ZNF608: variants seen among roughly 807,000 people sequenced by gnomAD.
ZNF608 encodes zinc finger protein 608, also known as renal carcinoma antigen NY-REN-36.
ZNF608 carries 12 observed loss-of-function variants against 109.0 expected under a neutral mutation model. The ratio of observed to expected loss-of-function variants is 0.11; its 90% confidence interval spans 0.07 to 0.18. The LOEUF (loss-of-function observed/expected upper bound fraction) is 0.18. Ranked by LOEUF, ZNF608 falls within the 10% of genes least tolerant of loss-of-function variation. ZNF608 has a pLI of 1.00. For missense variants in ZNF608, 1,707 were observed against 1,879.3 expected, an observed-to-expected ratio of 0.91 and a Z score of 1.70; for synonymous variants, 732 against 717.4, an observed-to-expected ratio of 1.02 and a Z score of -0.33.
intron 2 of ZNF608, among the ~76,000 whole-genome samples, chr5:124,721,935 C>T (rs1753924365): frequency 2.3e-5 from 1 of 43,360 alleles, no homozygotes. Context: ...GAATGAGACT[C>T]TGTCTCAAAA....
At position 124,740,630 on chromosome 5, in the gene ZNF608, A is replaced by G. The variant is rs370213380; in HGVS notation, c.906+3454T>C. On this transcript the variant is annotated intron_variant, in intron 2 of 9. Transcript: ENST00000513986. ...TGGTGAAGTATAAAAAGGACTCTAC[A>G]AAAGAATAAAATAAAATGAATGATA... Among the ~76,000 whole-genome samples the G allele has an allele frequency of 3.3e-5, 5 of 152,190 alleles. No homozygotes were observed. The East Asian group carries it at 5.8e-4, about 18-fold the overall frequency.
intron 1 of ZNF608, 33 bp from the exon 2 acceptor site, chr5:124,745,205 TTGTCTGGG>T: frequency 7.1e-7 from 1 of 1,398,706 alleles, no homozygotes; most frequent in East Asian, 2.6e-5. Flanking sequence ...CGAATATTTC[TTGTCTGGG>T]TGTTACCAGA....
chr5:124,743,095 A>G (rs552573778), intron 2 of ZNF608, among the ~76,000 whole-genome samples: 1 of 152,208 alleles, frequency 6.6e-6, no homozygotes, highest in Non-Finnish European at 1.5e-5. Context: ...ACTAAGCAGC[A>G]AAACATGGTG....
At chr5:124,664,939 G>A (rs1256694124) in intron 3 of ZNF608, among the ~76,000 whole-genome samples, 1 of 152,136 alleles carries the variant, frequency 6.6e-6, no homozygotes, top group Non-Finnish European at 1.5e-5. Flanking sequence ...ACTTTGGGAG[G>A]CTGAGGTGGA....
chr5:124,641,517 T>C, intron 7 of ZNF608, 112 bp from the exon 8 acceptor site: 4 of 1,174,820 alleles, frequency 3.4e-6, no homozygotes, highest in Admixed American at 3.3e-5. Context: ...AAAAAGTAAA[T>C]ATAAAGATAC....
At chr5:124,702,004 C>CCT (rs556267555) in intron 2 of ZNF608, among the ~76,000 whole-genome samples, 1 of 152,198 alleles carries the variant, frequency 6.6e-6, no homozygotes, top group South Asian at 2.1e-4. Flanking sequence ...TCAGTCACCA[C>CCT]CTCTCTAAAT....
chr5:124,697,900 A>G (rs1752913603), intron 3 of ZNF608, among the ~76,000 whole-genome samples: 1 of 152,202 alleles, frequency 6.6e-6, no homozygotes, highest in South Asian at 2.1e-4. Context: ...ACACACATAT[A>G]TGACCTTCAC....
Position 124,648,539 on chromosome 5 carries a change from A to C in ZNF608, c.1845T>G (p.Ser615Arg), listed in dbSNP as rs773865768. Residue 615 changes from serine (S) to arginine (R), a missense_variant, in exon 5 of 10, where the codon AGT (serine) becomes AGG (arginine). Coordinates refer to ENST00000513986, the MANE Select transcript of ZNF608 (RefSeq NM_020747.3). ...VALECSEPST[S>R]VSAYDQLKAP... Reference sequence around the variant, plus strand: ...CCTTCAACTGGTCATAAGCAGATACACTTGTGCTTGGCTCACTGCATTCAA... The same window carrying C: ...CCTTCAACTGGTCATAAGCAGATACCCTTGTGCTTGGCTCACTGCATTCAA... 2 of 1,614,098 alleles carry C rather than the reference A, an allele frequency of 1.2e-6. No individual in the cohort carries two copies.
rs191347601 is a variant in ZNF608, at chr5:124,646,232, G to A, written c.3705+447C>T. ...AAAAATTAGCCGGGCATGGTGGCACGTGCCTGTAGTCCCAGCTACTCAGGA... is the reference window on the plus strand; with the variant it reads ...AAAAATTAGCCGGGCATGGTGGCACATGCCTGTAGTCCCAGCTACTCAGGA... On this transcript the variant is annotated intron_variant, in intron 5 of 9. Coordinates refer to ENST00000513986, the MANE Select transcript of ZNF608 (RefSeq NM_020747.3). 1.8e-4 allele frequency among the ~76,000 whole-genome samples: 27 copies of A among 152,204 alleles called. No individual in the cohort carries two copies. In the East Asian group the frequency reaches 5.2e-3, roughly 29 times the overall value.
intron 2 of ZNF608, among the ~76,000 whole-genome samples, chr5:124,730,736 C>G (rs1370415544): frequency 1.3e-5 from 2 of 152,110 alleles, no homozygotes; most frequent in South Asian, 4.1e-4. Flanking sequence ...GTATACAGAA[C>G]AGGTTAGAGA....
intron 3 of ZNF608, among the ~76,000 whole-genome samples, chr5:124,655,366 AT>A (rs967771502): frequency 2.2e-4 from 33 of 152,226 alleles, no homozygotes; most frequent in African/African-American, 7.7e-4. Flanking sequence ...AAAGTGCCTC[AT>A]CCCCGGGACA....
chr5:124,747,339 G>A (rs1467079108), upstream of ZNF608, among the ~76,000 whole-genome samples: 2 of 151,718 alleles, frequency 1.3e-5, no homozygotes, highest in Non-Finnish European at 2.9e-5. Flanking sequence ...ATTAGCTGGC[G>A]TTTGGAAGCT....
At chr5:124,700,091 T>G (rs183182953) in intron 3 of ZNF608, among the ~76,000 whole-genome samples, 123 of 152,258 alleles carry the variant, frequency 8.1e-4, no homozygotes, top group African/African-American at 2.9e-3. Context: ...GAAAAAAAAG[T>G]TCCCCCACCC....
intron 3 of ZNF608, among the ~76,000 whole-genome samples, chr5:124,698,893 A>G (rs921995585): frequency 6.6e-6 from 1 of 152,212 alleles, no homozygotes; most frequent in Non-Finnish European, 1.5e-5. Flanking sequence ...GTTTGTGGCT[A>G]ATTTTATAAC....
At chr5:124,721,706 C>T (rs1021620062) in intron 2 of ZNF608, among the ~76,000 whole-genome samples, 6 of 151,704 alleles carry the variant, frequency 4.0e-5, no homozygotes, top group South Asian at 2.1e-4. Flanking sequence ...GAGGCTGAGG[C>T]GGGTGGATCG....
chr5:124,740,248 A>G (rs1198225303), intron 2 of ZNF608, among the ~76,000 whole-genome samples: 9 of 152,208 alleles, frequency 5.9e-5, no homozygotes, highest in Non-Finnish European at 1.3e-4. Flanking sequence ...TCTTGGGGAA[A>G]GGGCAGCCCC....
intron 3 of ZNF608, among the ~76,000 whole-genome samples, chr5:124,699,644 C>T (rs1289041334): frequency 6.6e-6 from 1 of 152,132 alleles, no homozygotes; most frequent in African/African-American, 2.4e-5. Context: ...CGAAACATAT[C>T]GCACAAGAGT....
Position 124,738,487 on chromosome 5 carries a change from C to T in ZNF608, c.906+5597G>A, listed in dbSNP as rs1561594622. Among the ~76,000 whole-genome samples the T allele has an allele frequency of 2.0e-5, 3 of 152,144 alleles. 1 individual carries two copies. Among genetic ancestry groups the T allele is most frequent in the Admixed American group, 2.0e-4 (3 of 15,276 alleles). On this transcript the variant is annotated intron_variant, in intron 2 of 9. Coordinates refer to ENST00000513986, the MANE Select transcript of ZNF608 (RefSeq NM_020747.3). ...CTGCAGTAATTACTATGAAAAACTTCCAGTGCTTAATATTAAAGAATAGAA... is the reference window on the plus strand; with the variant it reads ...CTGCAGTAATTACTATGAAAAACTTTCAGTGCTTAATATTAAAGAATAGAA...
chr5:124,688,757 T>C (rs1752495407), intron 3 of ZNF608, among the ~76,000 whole-genome samples: 1 of 152,242 alleles, frequency 6.6e-6, no homozygotes, highest in Admixed American at 6.5e-5. Flanking sequence ...ATATCCATTG[T>C]TAATGGAATT....
Sources: allele counts gnomAD v4.1 joint callset (sites outside exome capture counted in the v4.1 genomes callset), GRCh38; gene constraint gnomAD v4.1.1; transcripts MANE v1.5; gene names NCBI Gene and HGNC (gene_info 2026-07-23, HGNC 2026-07-21).